Variants in TTC34 observed in about 807,000 individuals in gnomAD.
The protein encoded by TTC34 is tetratricopeptide repeat domain 34.
In TTC34, 44 loss-of-function variants were observed where a neutral mutation model predicts 40.7. The ratio of observed to expected loss-of-function variants is 1.08; its 90% CI spans 0.85 to 1.39. TTC34 has a LOEUF of 1.39. Ranked by LOEUF, TTC34 falls within the 40% of genes most tolerant of loss-of-function variation. TTC34 has a pLI of 0.00. For missense variants in TTC34, 884 were observed against 838.0 expected (o/e 1.05, Z -0.68); for synonymous variants, 422 against 398.6 (o/e 1.06, Z -0.70).
chr1:2,681,813 C>T (rs1640086582), intron 6 of TTC34, among the ~76,000 whole-genome samples: 1 of 116,960 alleles, frequency 8.5e-6, no homozygotes, highest in African/African-American at 3.0e-5. Flanking sequence ...TGGTTTGCGG[C>T]AACACCGACA....
At chr1:2,751,695 C>CAGCACCCCCCACCGACAGGT (rs1641326023) in intron 6 of TTC34, among the ~76,000 whole-genome samples, 1 of 94,614 alleles carries the variant, frequency 1.1e-5, no homozygotes, top group Non-Finnish European at 2.0e-5. Flanking sequence ...CAACCCCAAG[C>CAGCACCCCCCACCGACAGGT]GAGCATCCGA....
chr1:2,700,146 C>A lies in TTC34; in HGVS notation c.2227-54583G>T, dbSNP rs1041638659. On this transcript the variant is annotated intron_variant, in intron 6 of 8. Coordinates refer to ENST00000401095, the Ensembl canonical transcript of TTC34. ...CAGCATCCTCACCCCAGGTGAGCAT[C>A]GGACATCCTGGAGCATCACATACTC... 1.9e-5 allele frequency among the ~76,000 whole-genome samples: 2 copies of A among 104,238 alleles called. 1 individual carries two copies. Among genetic ancestry groups the A allele is most frequent in the African/African-American group, 6.0e-5 (2 of 33,370 alleles). The allele number at this position is 104,238 out of a possible 152,430, so 68.4% of individuals were successfully genotyped here. A position where few individuals can be genotyped will look rare whatever the true frequency, so the allele number is the denominator to read the frequency against.
intron 6 of TTC34, among the ~76,000 whole-genome samples, chr1:2,685,226 G>A (rs796523554): frequency 6.8e-4 from 40 of 58,948 alleles, no homozygotes; most frequent in East Asian, 1.6e-3. Context: ...ACATCGTGGA[G>A]CAGCACCCAC....
intron 3 of TTC34, among the ~76,000 whole-genome samples, chr1:2,789,205 C>A (rs1208913723): frequency 6.6e-6 from 1 of 152,174 alleles, no homozygotes; most frequent in Non-Finnish European, 1.5e-5. Flanking sequence ...TCGTCATGAC[C>A]TATTGAGTAA....
chr1:2,656,359 TGGAACAGCACCCACACCCACA>T (rs1639344879), intron 6 of TTC34, among the ~76,000 whole-genome samples: 1 of 141,850 alleles, frequency 7.0e-6, no homozygotes. Flanking sequence ...TCTGACAGCC[TGGAACAGCACCCACACCCACA>T]GGTGAGCATC....
intron 6 of TTC34, among the ~76,000 whole-genome samples, chr1:2,768,379 C>A (rs1401302455): frequency 7.9e-5 from 12 of 152,156 alleles, no homozygotes; most frequent in South Asian, 2.1e-4. Flanking sequence ...ATGCCCACCA[C>A]AAGGTGAGCA....
chr1:2,787,489 C>T lies in TTC34; in HGVS notation c.1846G>A (p.Ala616Thr), dbSNP rs147245842. 22 of 1,485,286 alleles carry T rather than the reference C, an allele frequency of 1.5e-5. No individual in the cohort carries two copies. The East Asian group carries it at 2.7e-4, about 19-fold the overall frequency. The allele number at this position is 1,485,286 out of a possible 1,614,324, so 92.0% of individuals were successfully genotyped here. A position where few individuals can be genotyped will look rare whatever the true frequency, so the allele number is the denominator to read the frequency against. ...CCCCCAGGCCTCCTCACCTGGTTGG[C>T]GTCATAGAAGAAGCCCCTCCTCAGC... Residue 616 changes from alanine to threonine, a missense_variant, in exon 4 of 9, where the codon GCC becomes ACC. Ala to Thr is a moderately conservative substitution (Grantham distance 58). Coordinates refer to ENST00000401095, the Ensembl canonical transcript of TTC34.
chr1:2,642,755 G>A (rs572191966), intron 8 of TTC34, among the ~76,000 whole-genome samples: 2 of 152,292 alleles, frequency 1.3e-5, no homozygotes, highest in South Asian at 4.1e-4. Context: ...CCCCCGGGGG[G>A]CGCAGCGCAC....
chr1:2,764,458 A>G (rs1159975946), intron 6 of TTC34, among the ~76,000 whole-genome samples: 1 of 146,636 alleles, frequency 6.8e-6, no homozygotes, highest in Non-Finnish European at 1.5e-5. Context: ...GGCAGTGCCC[A>G]CAGCCCCAGG....
intron 6 of TTC34, among the ~76,000 whole-genome samples, chr1:2,767,853 G>T (rs1021912278): frequency 6.6e-6 from 1 of 150,728 alleles, no homozygotes; most frequent in Non-Finnish European, 1.5e-5. Context: ...ACACCCCCAG[G>T]TGTGCATCTG....
intron 6 of TTC34, among the ~76,000 whole-genome samples, chr1:2,752,491 CA>C (rs1641355334): frequency 4.2e-5 from 6 of 141,566 alleles, no homozygotes; most frequent in South Asian, 4.6e-4. Context: ...AGCACCCACA[CA>C]GCCAGGTGAG....
At chr1:2,652,545 G>GGTGAGCAT (rs1639183721) in intron 6 of TTC34, among the ~76,000 whole-genome samples, 1 of 73,388 alleles carries the variant, frequency 1.4e-5, no homozygotes. Flanking sequence ...GCATTGGAAA[G>GGTGAGCAT]CCTGGAGCAG....
intron 6 of TTC34, among the ~76,000 whole-genome samples, chr1:2,759,602 C>T (rs1198631391): frequency 2.4e-4 from 36 of 150,894 alleles, no homozygotes; most frequent in Admixed American, 3.3e-4. Flanking sequence ...CCCACACCGC[C>T]AGGCGAGCAT....
rs185243785 is a variant in TTC34, at chr1:2,783,512, G to A, written c.2226+97C>T. On this transcript the variant is annotated intron_variant, in intron 6 of 8. Transcript: ENST00000401095. ...GATGGGCATCTCACTGCTCAGGATG[G>A]CCTACCCGGCTCCCTCTCTCCTTGG... The A allele has an allele frequency of 1.3e-3, 1,550 of 1,229,198 alleles. 2 individuals are homozygous for A. The highest frequency in any genetic ancestry group is 1.4e-3 in the Non-Finnish European group (1,304 of 955,598). The allele number at this position is 1,229,198 out of a possible 1,614,324, so 76.1% of individuals were successfully genotyped here. A position where few individuals can be genotyped will look rare whatever the true frequency, so the allele number is the denominator to read the frequency against.
Position 2,692,019 on chromosome 1 carries a change from C to T in TTC34, c.2227-46456G>A, listed in dbSNP as rs149040635. ...AGCATCTGACAGCATGTATCAGCACCCACACCCCCAGGTGAGCATCTGACA... is the reference window on the plus strand; with the variant it reads ...AGCATCTGACAGCATGTATCAGCACTCACACCCCCAGGTGAGCATCTGACA... On this transcript the variant is annotated intron_variant, in intron 6 of 8. Transcript: ENST00000401095. 2.5e-4 allele frequency among the ~76,000 whole-genome samples: 11 copies of T among 43,860 alleles called. 2 individuals are homozygous for T. The South Asian group carries it at 6.6e-3, about 26-fold the overall frequency. 28.8% of individuals were successfully genotyped at this position (43,860 alleles called of 152,430 possible).
At chr1:2,786,110 C>T in intron 4 of TTC34, 87 bp from the exon 5 acceptor site, 3 of 1,234,146 alleles carry the variant, frequency 2.4e-6, no homozygotes, top group Non-Finnish European at 3.2e-6. Context: ...CCATCCCCCA[C>T]CCCACCCTCA....
chr1:2,761,270 G>A (rs1457319456), intron 6 of TTC34, among the ~76,000 whole-genome samples: 12 of 22,628 alleles, frequency 5.3e-4, no homozygotes, highest in African/African-American at 1.3e-3. Flanking sequence ...GACAGTCTGG[G>A]GCAGCACCCA....
intron 6 of TTC34, among the ~76,000 whole-genome samples, chr1:2,686,080 C>T (rs1211919726): frequency 9.5e-5 from 12 of 126,000 alleles, no homozygotes; most frequent in African/African-American, 2.6e-4. Context: ...AGCACCCACA[C>T]CCCCAGGCGA....
chr1:2,799,909 CCTGA>C (rs1313550176), intron 2 of TTC34, 131 bp downstream of exon 2: 4 of 397,802 alleles, frequency 1.0e-5, no homozygotes, highest in African/African-American at 6.2e-5. Flanking sequence ...AGGGGCAGGG[CCTGA>C]CTTTCTTGTC....
Sources: allele counts gnomAD v4.1 joint callset (sites outside exome capture counted in the v4.1 genomes callset), GRCh38; gene constraint gnomAD v4.1.1; transcripts MANE v1.5; gene names NCBI Gene and HGNC (gene_info 2026-07-23, HGNC 2026-07-21).